MARK1: variants seen among roughly 807,000 people sequenced by gnomAD.
MARK1 encodes serine/threonine-protein kinase MARK1.
MARK1 carries 40 observed loss-of-function variants against 96.3 expected under a neutral mutation model. The observed-to-expected ratio is 0.42, with a 90% CI of 0.32 to 0.54. The LOEUF (loss-of-function observed/expected upper bound fraction) is 0.54, where lower values mean the gene tolerates loss of function less well. Ranked by LOEUF, MARK1 falls within the 20% of genes least tolerant of loss-of-function variation. The pLI is 0.16. For synonymous variants in MARK1, 317 were observed against 341.2 expected (o/e 0.93, Z 0.78); for missense variants, 719 against 984.6 (o/e 0.73, Z 3.61).
At chr1:220,638,925 A>G (rs1325197692) in intron 13 of MARK1, among the ~76,000 whole-genome samples, 1 of 152,138 alleles carries the variant, frequency 6.6e-6, no homozygotes, top group African/African-American at 2.4e-5. Flanking sequence ...TTTAGGATTA[A>G]TTCTTCTATA....
At chr1:220,599,934 T>C in intron 5 of MARK1, 71 bp downstream of exon 5, 1 of 873,126 alleles carries the variant, frequency 1.1e-6, no homozygotes. Flanking sequence ...AAGAGTTCAT[T>C]ATGACATTTA....
intron 1 of MARK1, among the ~76,000 whole-genome samples, chr1:220,559,649 A>G (rs937922442): frequency 2.0e-5 from 3 of 152,214 alleles, no homozygotes; most frequent in Non-Finnish European, 4.4e-5. Context: ...TCTTGAAAAG[A>G]TGGAACTGAA....
At chr1:220,603,210 C>T (rs1665855356) in intron 5 of MARK1, among the ~76,000 whole-genome samples, 1 of 151,808 alleles carries the variant, frequency 6.6e-6, no homozygotes, top group Non-Finnish European at 1.5e-5. Flanking sequence ...AAATTTAATC[C>T]TTATACTAAG....
At chr1:220,560,220 C>G (rs1054271086) in intron 1 of MARK1, among the ~76,000 whole-genome samples, 2 of 152,146 alleles carry the variant, frequency 1.3e-5, no homozygotes, top group Non-Finnish European at 2.9e-5. Flanking sequence ...TCCCACAACA[C>G]ATAAGAGTTA....
At chr1:220,633,342 A>G (rs1667775847) in intron 11 of MARK1, among the ~76,000 whole-genome samples, 6 of 151,612 alleles carry the variant, frequency 4.0e-5, no homozygotes, top group Admixed American at 3.9e-4. Context: ...AACAGATCGC[A>G]GAGCATTAAC....
intron 1 of MARK1, among the ~76,000 whole-genome samples, chr1:220,553,819 C>T (rs1662049544): frequency 6.6e-6 from 1 of 152,132 alleles, no homozygotes; most frequent in African/African-American, 2.4e-5. Flanking sequence ...CATAAGGGGC[C>T]CACCAGAGGC....
chr1:220,634,861 C>T (rs1377932554), intron 11 of MARK1, among the ~76,000 whole-genome samples: 1 of 151,732 alleles, frequency 6.6e-6, no homozygotes, highest in East Asian at 1.9e-4. Flanking sequence ...GTGGAGAAAA[C>T]CAAACAAATC....
At chr1:220,549,520 T>C (rs1488324163) in intron 1 of MARK1, among the ~76,000 whole-genome samples, 1 of 152,224 alleles carries the variant, frequency 6.6e-6, no homozygotes, top group Admixed American at 6.5e-5. Flanking sequence ...TTCCTTTTTA[T>C]ACCAAGAAAA....
chr1:220,623,466 C>A (rs1667153437), intron 9 of MARK1, among the ~76,000 whole-genome samples: 1 of 152,194 alleles, frequency 6.6e-6, no homozygotes, highest in Non-Finnish European at 1.5e-5. Context: ...TTCTTTCCAA[C>A]CTTTATCTTC....
Position 220,635,413 on chromosome 1 carries a change from G to A in MARK1, c.1160G>A (p.Cys387Tyr). The A allele has an allele frequency of 6.3e-7, 1 of 1,598,368 alleles. No homozygotes were observed. The highest frequency in any genetic ancestry group is 8.5e-7 in the Non-Finnish European group (1 of 1,172,786). The change falls in exon 12 of 18, where the codon TGT becomes TAT. Residue 387 changes from cysteine (C) to tyrosine (Y), a missense_variant. Coordinates refer to ENST00000366917, the MANE Select transcript of MARK1 (RefSeq NM_018650.5). The part of the protein sequence containing the change: ...GGESLSSGNL[C>Y]QRSRPSSDLN... ...GAATCGTTATCCAGTGGAAACTTGTGTCAGAGGTCCCGGCCCAGTAGTGAC... is the reference window on the plus strand; with the variant it reads ...GAATCGTTATCCAGTGGAAACTTGTATCAGAGGTCCCGGCCCAGTAGTGAC...
In MARK1 at chr1:220,652,009, G is replaced by C. The variant is rs1202972297; in HGVS notation, c.1595G>C (p.Ser532Thr). ...AGCCTTACGGAGATGTCTGTGAGTAGCATATCTTCTGCAGGCTCTTCTGTG... is the reference window on the plus strand; with the variant it reads ...AGCCTTACGGAGATGTCTGTGAGTACCATATCTTCTGCAGGCTCTTCTGTG... ...DSSLTEMSVS[S>T]ISSAGSSVAS... Residue 532 changes from serine to threonine, a missense_variant, in exon 15 of 18, where the codon AGC becomes ACC. Coordinates refer to ENST00000366917, the MANE Select transcript of MARK1 (RefSeq NM_018650.5). 6.2e-7 allele frequency: 1 copy of C among 1,607,680 alleles called. No homozygotes were observed. Among genetic ancestry groups the C allele is most frequent in the Non-Finnish European group, 8.5e-7 (1 of 1,175,180 alleles).
At position 220,662,234 on chromosome 1, in the gene MARK1, G is replaced by A. The variant is rs1558333599; in HGVS notation, c.*68G>A. The A allele has an allele frequency of 2.5e-6, 3 of 1,201,436 alleles. No homozygotes were observed. Among genetic ancestry groups the A allele is most frequent in the Non-Finnish European group, 3.5e-6 (3 of 850,416 alleles). The allele number at this position is 1,201,436 out of a possible 1,614,324, so 74.4% of individuals were successfully genotyped here. On this transcript the variant is annotated 3_prime_UTR_variant, in exon 18 of 18. Transcript: ENST00000366917. ...TGAGGTACAGTTTTTGAATGTACTG[G>A]TAATGCCTAATGTGGTCTGCCTGTG... is the stretch of plus-strand genomic sequence containing the variant.
chr1:220,541,567 A>G (rs1661149619), intron 1 of MARK1, among the ~76,000 whole-genome samples: 1 of 152,008 alleles, frequency 6.6e-6, no homozygotes, highest in Non-Finnish European at 1.5e-5. Context: ...CAGTTCTGTC[A>G]TGTTTGCTTC....
chr1:220,643,174 T>G (rs541312975), intron 13 of MARK1, among the ~76,000 whole-genome samples: 1 of 152,282 alleles, frequency 6.6e-6, no homozygotes, highest in Admixed American at 6.5e-5. Context: ...AAGGATTATG[T>G]TCAAACCCAA....
intron 1 of MARK1, among the ~76,000 whole-genome samples, chr1:220,541,994 A>AT (rs1394280787): frequency 2.6e-5 from 4 of 152,006 alleles, no homozygotes; most frequent in Admixed American, 2.6e-4. Flanking sequence ...TGTTTCATTG[A>AT]TTTTTTTGTA....
At chr1:220,623,934 C>G (rs1481660611) in intron 9 of MARK1, among the ~76,000 whole-genome samples, 4 of 152,184 alleles carry the variant, frequency 2.6e-5, no homozygotes, top group Non-Finnish European at 4.4e-5. Flanking sequence ...AAAATCCCAG[C>G]CCACACTTCA....
At chr1:220,651,007 CT>C (rs1396555492) in intron 14 of MARK1, among the ~76,000 whole-genome samples, 12 of 152,264 alleles carry the variant, frequency 7.9e-5, no homozygotes, top group African/African-American at 2.9e-4. Context: ...CTAATTTCAT[CT>C]TCATAATTTG....
intron 16 of MARK1, among the ~76,000 whole-genome samples, chr1:220,655,778 C>G (rs1197566867): frequency 6.6e-6 from 1 of 152,120 alleles, no homozygotes; most frequent in African/African-American, 2.4e-5. Context: ...ATTTAAAGCC[C>G]CTGATTAGCT....
chr1:220,611,435 G>A (rs11118579), intron 6 of MARK1, among the ~76,000 whole-genome samples: 88,447 of 152,128 alleles, frequency 0.58, 27,084 homozygotes, highest in Non-Finnish European at 0.68. Flanking sequence ...TGGGAAAAGC[G>A]TAGTATTTGG....
Sources: allele counts gnomAD v4.1 joint callset (sites outside exome capture counted in the v4.1 genomes callset), GRCh38; gene constraint gnomAD v4.1.1; transcripts MANE v1.5; gene names NCBI Gene and HGNC (gene_info 2026-07-23, HGNC 2026-07-21).